Variants in NBEAL1 observed in about 807,000 individuals in gnomAD.
The protein encoded by NBEAL1 is neurobeachin like 1.
In NBEAL1, 273 loss-of-function variants were observed where a neutral mutation model predicts 351.3. The ratio of observed to expected loss-of-function variants is 0.78; its 90% CI spans 0.70 to 0.86. NBEAL1 has a LOEUF of 0.86. Among genes scored for constraint, NBEAL1 ranks in the 40% least tolerant of loss-of-function variants. The pLI is 0.00. For missense variants in NBEAL1, 2,961 were observed against 3,201.3 expected, an observed-to-expected ratio of 0.92 and a Z score of 1.81; for synonymous variants, 1,050 against 1,086.4, an observed-to-expected ratio of 0.97 and a Z score of 0.66.
In NBEAL1 at chr2:203,057,417, A is replaced by G. The variant is rs1261616274; in HGVS notation, c.479A>G (p.Tyr160Cys). ...GCATTGGCATTTTGTGAAAGCTTAT[A>G]TGATCCATATCGGAATTGGAGACAT... ...IHALAFCESL[Y>C]DPYRNWRHRI... Residue 160 changes from tyrosine (Y) to cysteine (C), a missense_variant, in exon 6 of 56, where the codon TAT (tyrosine) becomes TGT (cysteine). Transcript: ENST00000683969. The G allele has an allele frequency of 1.3e-6, 2 of 1,552,666 alleles. No homozygotes were observed. Among genetic ancestry groups the G allele is most frequent in the Non-Finnish European group, 1.7e-6 (2 of 1,146,628 alleles).
intron 4 of NBEAL1, 49 bp downstream of exon 4, chr2:203,050,024 A>T: frequency 6.7e-7 from 1 of 1,502,374 alleles, no homozygotes; most frequent in African/African-American, 1.4e-5. Context: ...GTGGGAGTTG[A>T]ACAATGAGAA....
intron 4 of NBEAL1, among the ~76,000 whole-genome samples, chr2:203,054,763 C>T (rs1364105375): frequency 1.3e-5 from 2 of 152,096 alleles, no homozygotes; most frequent in East Asian, 1.9e-4. Flanking sequence ...AGTTAATATA[C>T]ATTTGTTTTT....
chr2:203,141,366 ATTTTTTTTTTT>A (rs71034219), intron 31 of NBEAL1, among the ~76,000 whole-genome samples: 7 of 9,110 alleles, frequency 7.7e-4, no homozygotes, highest in Non-Finnish European at 1.5e-3. Flanking sequence ...TATTATTATT[ATTTTTTTTTTT>A]TTTTTTTTTT....
In NBEAL1 at chr2:203,138,680, G is replaced by C; in HGVS notation, c.4780G>C (p.Val1594Leu). 1 of 1,613,352 alleles carries C rather than the reference G, an allele frequency of 6.2e-7. No homozygotes were observed. Among genetic ancestry groups the C allele is most frequent in the Non-Finnish European group, 8.5e-7 (1 of 1,179,704 alleles). Residue 1594 changes from valine (V) to leucine (L), a missense_variant, in exon 31 of 56, where the codon GTA becomes CTA. By Grantham distance (32) the Val-to-Leu change is conservative (BLOSUM62 1). Coordinates refer to ENST00000683969, the MANE Select transcript of NBEAL1 (RefSeq NM_001378026.1). ...CLSVCYSESP[V>L]WVKLSQIQIQ... ...GTCAGTCTGCTATTCTGAAAGTCCA[G>C]TATGGGTAAAACTCTCTCAAATTCA...
chr2:203,149,261 G>C (rs2063588631), intron 34 of NBEAL1, 113 bp downstream of exon 34: 1 of 695,602 alleles, frequency 1.4e-6, no homozygotes, highest in African/African-American at 1.8e-5. Flanking sequence ...ATTCATAAAA[G>C]GGTGCTTTTA....
Position 203,132,137 on chromosome 2 carries a change from G to C in NBEAL1, c.3724+5G>C, listed in dbSNP as rs1172972147. ...CCCATCAAATCATAAATACAGGTATGAATAAGGCTAATAAAGCTAACATAT... is the reference window on the plus strand; with the variant it reads ...CCCATCAAATCATAAATACAGGTATCAATAAGGCTAATAAAGCTAACATAT... On this transcript the variant is annotated splice_donor_5th_base_variant and intron_variant, in intron 26 of 55. Coordinates refer to ENST00000683969, the MANE Select transcript of NBEAL1 (RefSeq NM_001378026.1). 3.4e-6 allele frequency: 5 copies of C among 1,469,198 alleles called. No homozygotes were observed. The highest frequency in any genetic ancestry group is 5.0e-5 in the East Asian group (2 of 39,880). 91.0% of individuals were successfully genotyped at this position (1,469,198 alleles called of 1,614,324 possible). A position where few individuals can be genotyped will look rare whatever the true frequency, so the allele number is the denominator to read the frequency against.
Position 203,113,062 on chromosome 2 carries a change from T to C in NBEAL1, c.2250T>C (p.Thr750=). ...CIGSAGQRTT[T]PPPSQIPDPP... Reference sequence around the variant, plus strand: ...GTTCAGCTGGGCAAAGAACCACCACTCCTCCACCATCCCAAATCCCAGATC... The same window carrying C: ...GTTCAGCTGGGCAAAGAACCACCACCCCTCCACCATCCCAAATCCCAGATC... The change falls in exon 17 of 56, where the codon ACT becomes ACC. Residue 750 remains threonine, a synonymous_variant. Coordinates refer to ENST00000683969, the MANE Select transcript of NBEAL1 (RefSeq NM_001378026.1). 1 of 1,543,824 alleles carries C rather than the reference T, an allele frequency of 6.5e-7. No homozygotes were observed. Among genetic ancestry groups the C allele is most frequent in the Non-Finnish European group, 8.7e-7 (1 of 1,143,658 alleles).
chr2:203,148,957 A>C (rs903407701), intron 33 of NBEAL1, 34 bp from the exon 34 acceptor site: 1 of 1,538,068 alleles, frequency 6.5e-7, no homozygotes, highest in Non-Finnish European at 8.8e-7. Context: ...TAAATATATG[A>C]GTCAATGACC....
At chr2:203,173,990 A>C (rs965766157) in intron 41 of NBEAL1, among the ~76,000 whole-genome samples, 3 of 152,020 alleles carry the variant, frequency 2.0e-5, no homozygotes, top group Non-Finnish European at 4.4e-5. Context: ...AGATGTCACC[A>C]TTCAGACCAA....
intron 10 of NBEAL1, among the ~76,000 whole-genome samples, chr2:203,089,408 G>A (rs565096438): frequency 1.1e-4 from 17 of 150,374 alleles, no homozygotes; most frequent in East Asian, 9.7e-4. Flanking sequence ...TCTGCCTGTC[G>A]CAGAAAAGAT....
In NBEAL1 at chr2:203,030,410, C is replaced by T. The variant is rs115409493; in HGVS notation, c.52-11355C>T. Among the ~76,000 whole-genome samples the T allele has an allele frequency of 5.0e-3, 762 of 152,216 alleles. 4 individuals carry two copies. Among genetic ancestry groups the T allele is most frequent in the African/African-American group, 0.017 (704 of 41,528 alleles). On this transcript the variant is annotated intron_variant, in intron 2 of 55. Coordinates refer to ENST00000683969, the MANE Select transcript of NBEAL1 (RefSeq NM_001378026.1). Reference sequence around the variant, plus strand: ...CTTCTGTTCTTTTCAAGATGGGCCTCTCCATAGTACTGAACTTCTAGATTC... The same window carrying T: ...CTTCTGTTCTTTTCAAGATGGGCCTTTCCATAGTACTGAACTTCTAGATTC...
In NBEAL1 at chr2:203,211,005, G is replaced by A; in HGVS notation, c.7833G>A (p.Gly2611=). 6.2e-7 allele frequency: 1 copy of A among 1,602,918 alleles called. No homozygotes were observed. The highest frequency in any genetic ancestry group is 8.5e-7 in the Non-Finnish European group (1 of 1,172,770). ...HLFSINGKYL[G]SQILKEQVSD... Reference sequence around the variant, plus strand: ...TTTCTATAAATGGCAAGTATCTAGGGTCTCAAATCCTGAAGGAACAAGTAT... The same window carrying A: ...TTTCTATAAATGGCAAGTATCTAGGATCTCAAATCCTGAAGGAACAAGTAT... The change falls in exon 54 of 56, where the codon GGG becomes GGA. Residue 2611 remains glycine, a synonymous_variant. Transcript: ENST00000683969.
At chr2:203,015,466 C>T (rs912677049) in intron 1 of NBEAL1, among the ~76,000 whole-genome samples, 1 of 151,330 alleles carries the variant, frequency 6.6e-6, no homozygotes, top group Non-Finnish European at 1.5e-5. Context: ...ACTACTCCAC[C>T]CCCACCCCAC....
intron 49 of NBEAL1, among the ~76,000 whole-genome samples, chr2:203,200,637 T>C (rs1242058608): frequency 6.6e-6 from 1 of 152,112 alleles, no homozygotes; most frequent in East Asian, 1.9e-4. Context: ...GAGGTTGCAG[T>C]GAGCCGAGAT....
chr2:203,202,912 T>C, intron 51 of NBEAL1, 131 bp downstream of exon 51: 1 of 609,004 alleles, frequency 1.6e-6, no homozygotes, highest in Admixed American at 3.0e-5. Flanking sequence ...TTTACCCACA[T>C]TTTGTCCTGT....
intron 6 of NBEAL1, among the ~76,000 whole-genome samples, chr2:203,058,579 A>G (rs537284424): frequency 6.6e-6 from 1 of 152,328 alleles, no homozygotes; most frequent in African/African-American, 2.4e-5. Flanking sequence ...TTGAGCAGTC[A>G]AGAGGCTCAT....
chr2:203,199,091 G>A (rs546631969), intron 48 of NBEAL1, among the ~76,000 whole-genome samples: 2 of 152,116 alleles, frequency 1.3e-5, no homozygotes, highest in East Asian at 3.9e-4. Context: ...GCAATGAGCT[G>A]AGATCATGTC....
Position 203,108,117 on chromosome 2 carries a change from G to T in NBEAL1, c.1878G>T (p.Trp626Cys). 1 of 1,552,102 alleles carries T rather than the reference G, an allele frequency of 6.4e-7. No homozygotes were observed. The highest frequency in any genetic ancestry group is 1.2e-5 in the South Asian group (1 of 84,076). The change falls in exon 14 of 56, where the codon TGG becomes TGT. Residue 626 changes from tryptophan to cysteine, a missense_variant. Coordinates refer to ENST00000683969, the MANE Select transcript of NBEAL1 (RefSeq NM_001378026.1). ...WPGSAFSFSA[W>C]FCLDQDQLTL... ...GGTCTGCCTTTTCTTTCAGTGCTTG[G>T]TTTTGCTTAGACCAGGATCAGTTGA...
intron 10 of NBEAL1, among the ~76,000 whole-genome samples, chr2:203,089,209 AT>A (rs575041986): frequency 7.4e-4 from 113 of 152,178 alleles, no homozygotes; most frequent in Middle Eastern, 3.4e-3. Context: ...AAATACAAAA[AT>A]TAGCCAGGCA....
Sources: gnomAD v4.1 joint callset for allele counts (sites outside exome capture counted in the v4.1 genomes callset) on GRCh38, gnomAD v4.1.1 for gene constraint, MANE v1.5 for transcripts, NCBI Gene and HGNC (gene_info 2026-07-23, HGNC 2026-07-21) for gene names.